NUBPL: variants seen among roughly 807,000 people sequenced by gnomAD.
NUBPL encodes the protein iron-sulfur cluster transfer protein NUBPL.
In NUBPL, 31 loss-of-function variants were observed where a neutral mutation model predicts 45.7. The observed-to-expected ratio is 0.68, with a 90% CI of 0.51 to 0.92. The LOEUF (loss-of-function observed/expected upper bound fraction) is 0.92, where lower values mean the gene tolerates loss of function less well. Among genes scored for constraint, NUBPL ranks in the 40% least tolerant of loss-of-function variants. The pLI is 0.00. For synonymous variants in NUBPL, 144 were observed against 140.9 expected (o/e 1.02, Z -0.15); for missense variants, 401 against 398.7 (o/e 1.01, Z -0.05).
chr14:31,780,837 A>T (rs1472497987), intron 6 of NUBPL, among the ~76,000 whole-genome samples: 1 of 152,216 alleles, frequency 6.6e-6, no homozygotes, highest in Non-Finnish European at 1.5e-5. Flanking sequence ...ACATCATGAC[A>T]TATACCCCAA....
intron 4 of NUBPL, among the ~76,000 whole-genome samples, chr14:31,664,877 G>T (rs536246590): frequency 2.0e-5 from 3 of 152,204 alleles, no homozygotes; most frequent in African/African-American, 7.2e-5. Context: ...GGGCTTTTTT[G>T]GTTGTTAGGC....
intron 8 of NUBPL, among the ~76,000 whole-genome samples, chr14:31,831,331 C>T (rs1206730526): frequency 1.3e-5 from 2 of 152,062 alleles, no homozygotes; most frequent in African/African-American, 4.8e-5. Context: ...ATGTGAGCCA[C>T]GGTGCCCAGC....
chr14:31,581,937 T>G (rs1278008794), intron 3 of NUBPL, among the ~76,000 whole-genome samples: 1 of 152,226 alleles, frequency 6.6e-6, no homozygotes, highest in Non-Finnish European at 1.5e-5. Context: ...TTGCTAAATT[T>G]ATAAAATTTT....
intron 4 of NUBPL, among the ~76,000 whole-genome samples, chr14:31,651,728 C>G (rs1312529632): frequency 6.6e-6 from 1 of 151,860 alleles, no homozygotes; most frequent in Non-Finnish European, 1.5e-5. Context: ...GAAACCCCAT[C>G]TCTACTAAAA....
At chr14:31,791,744 G>A (rs2039386727) in intron 7 of NUBPL, among the ~76,000 whole-genome samples, 5 of 152,208 alleles carry the variant, frequency 3.3e-5, no homozygotes, top group African/African-American at 7.2e-5. Context: ...AGGGGAATAC[G>A]AAACACTTCA....
At chr14:31,614,211 A>G (rs1293502429) in intron 4 of NUBPL, among the ~76,000 whole-genome samples, 1 of 152,156 alleles carries the variant, frequency 6.6e-6, no homozygotes, top group Non-Finnish European at 1.5e-5. Flanking sequence ...TTTTTGTTTC[A>G]AACAAATAAA....
intron 4 of NUBPL, among the ~76,000 whole-genome samples, chr14:31,602,681 A>G (rs927851445): frequency 1.3e-5 from 2 of 152,188 alleles, no homozygotes; most frequent in Non-Finnish European, 2.9e-5. Flanking sequence ...GATTAATATA[A>G]TGCATTTAGC....
intron 4 of NUBPL, among the ~76,000 whole-genome samples, chr14:31,667,041 C>A (rs2036449088): frequency 6.6e-6 from 1 of 152,070 alleles, no homozygotes; most frequent in African/African-American, 2.4e-5. Flanking sequence ...TGGGGTTACT[C>A]TTCTCGAGGA....
chr14:31,757,160 C>A (rs956670637), intron 6 of NUBPL, among the ~76,000 whole-genome samples: 5 of 135,356 alleles, frequency 3.7e-5, no homozygotes, highest in African/African-American at 1.3e-4. Context: ...GTCTAAAATT[C>A]TCTTTTTTGG....
At chr14:31,722,403 T>C (rs1312233590) in intron 6 of NUBPL, among the ~76,000 whole-genome samples, 1 of 152,180 alleles carries the variant, frequency 6.6e-6, no homozygotes, top group Non-Finnish European at 1.5e-5. Context: ...AATGAACACA[T>C]GTGTGCATGT....
intron 4 of NUBPL, among the ~76,000 whole-genome samples, chr14:31,608,796 AC>A (rs2034673471): frequency 6.6e-6 from 1 of 152,018 alleles, no homozygotes; most frequent in Non-Finnish European, 1.5e-5. Flanking sequence ...CCTGCTACTC[AC>A]CTCCTGCTGT....
chr14:31,804,591 A>G (rs2039649863), intron 7 of NUBPL, among the ~76,000 whole-genome samples: 1 of 152,178 alleles, frequency 6.6e-6, no homozygotes, highest in Non-Finnish European at 1.5e-5. Context: ...ACAGGCACAT[A>G]GACCAATGGA....
chr14:31,680,352 T>A (rs906152961), intron 6 of NUBPL, among the ~76,000 whole-genome samples: 9 of 152,182 alleles, frequency 5.9e-5, no homozygotes, highest in African/African-American at 1.9e-4. Flanking sequence ...CTATGAAAGA[T>A]GATAGCTGTA....
intron 6 of NUBPL, among the ~76,000 whole-genome samples, chr14:31,774,022 T>C (rs2039055967): frequency 6.6e-6 from 1 of 152,240 alleles, no homozygotes; most frequent in Admixed American, 6.5e-5. Context: ...AGATCTCTTT[T>C]ACTTCATGAT....
At chr14:31,802,565 C>T (rs12586434) in intron 7 of NUBPL, among the ~76,000 whole-genome samples, 60,231 of 152,032 alleles carry the variant, frequency 0.4, 13,438 homozygotes, top group East Asian at 0.6. Context: ...CGTGAGCCAC[C>T]GTACCTGGCC....
intron 6 of NUBPL, among the ~76,000 whole-genome samples, chr14:31,711,044 G>A (rs921059191): frequency 1.3e-5 from 2 of 152,234 alleles, no homozygotes; most frequent in African/African-American, 4.8e-5. Context: ...GTGAGGGGAA[G>A]TTTGTCTGAC....
chr14:31,730,885 T>A (rs2038035505), intron 6 of NUBPL, among the ~76,000 whole-genome samples: 1 of 152,208 alleles, frequency 6.6e-6, no homozygotes, highest in South Asian at 2.1e-4. Context: ...CAGTTTATTT[T>A]TTTTTTAAAC....
In NUBPL at chr14:31,735,480, A is replaced by G. The variant is rs183262269; in HGVS notation, c.514-52300A>G. On this transcript the variant is annotated intron_variant, in intron 6 of 10. Coordinates refer to ENST00000281081, the MANE Select transcript of NUBPL (RefSeq NM_025152.3). ...ACTGAAAAGTATAGGGGATTGGTGT[A>G]TGTCTATTTTGTGTCTGCTTCTTAA... Among the ~76,000 whole-genome samples, 33 of 152,292 alleles carry G rather than the reference A, an allele frequency of 2.2e-4. 1 individual carries two copies. The highest frequency in any genetic ancestry group is 1.9e-3 in the Admixed American group (29 of 15,298).
chr14:31,638,235 C>T (rs895307905), intron 4 of NUBPL, among the ~76,000 whole-genome samples: 4 of 151,798 alleles, frequency 2.6e-5, no homozygotes, highest in Admixed American at 6.6e-5. Flanking sequence ...ACCGGTTGTT[C>T]CTTTCCATGT....
Sources: allele counts gnomAD v4.1 joint callset (sites outside exome capture counted in the v4.1 genomes callset), GRCh38; gene constraint gnomAD v4.1.1; transcripts MANE v1.5; gene names NCBI Gene and HGNC (gene_info 2026-07-23, HGNC 2026-07-21).